ABHD14A: variants seen among roughly 807,000 people sequenced by gnomAD.
ABHD14A encodes abhydrolase domain containing 14A, also known as protein ABHD14A.
In ABHD14A, 19 loss-of-function variants were observed where a neutral mutation model predicts 27.0. That is an observed-to-expected ratio of 0.70 (90% confidence interval 0.49 to 1.03). The LOEUF (loss-of-function observed/expected upper bound fraction) is 1.03, where lower values mean the gene tolerates loss of function less well. ABHD14A is among the 50% of genes least tolerant of loss of function. The pLI is 0.00. For missense variants in ABHD14A, 311 were observed against 344.6 expected (o/e 0.90, Z 0.77); for synonymous variants, 148 against 158.8 (o/e 0.93, Z 0.51).
rs770851638 is a variant in ABHD14A, at chr3:51,980,462, C to T, written c.467C>T (p.Ala156Val). ...EAGRAALLER[A>V]LRDLEVQNAV... ...GGGCGGGCAGCGCTGCTGGAGCGGG[C>T]GCTGCGGGACCTGGAGGTACAGAAT... is the stretch of plus-strand genomic sequence containing the variant. The change falls in exon 4 of 5, where the codon GCG (alanine) becomes GTG (valine). Residue 156 changes from alanine (A) to valine (V), a missense_variant. Coordinates refer to ENST00000273596, the MANE Select transcript of ABHD14A (RefSeq NM_015407.5). The T allele has an allele frequency of 1.1e-4, 180 of 1,612,800 alleles. No homozygotes were observed. The highest frequency in any genetic ancestry group is 1.3e-4 in the Non-Finnish European group (158 of 1,180,034).
Position 51,975,164 on chromosome 3 carries a change from T to G in ABHD14A, c.29T>G (p.Phe10Cys), listed in dbSNP as rs555727065. Residue 10 changes from phenylalanine to cysteine, a missense_variant, in exon 1 of 5, where the codon TTC (phenylalanine) becomes TGC (cysteine). By Grantham distance (205) the Phe-to-Cys change is radical. Coordinates refer to ENST00000273596, the MANE Select transcript of ABHD14A (RefSeq NM_015407.5). MVGALCGCW[F>C]RLGGARPLIP... ...GTCGGGGCGCTGTGCGGCTGCTGGT[T>G]CCGCCTGGGCGGGGCCCGCCCGCTC... 2.8e-5 allele frequency: 36 copies of G among 1,284,936 alleles called. 1 individual carries two copies. The South Asian group carries it at 7.6e-4, about 27-fold the overall frequency. The allele number at this position is 1,284,936 out of a possible 1,614,324, so 79.6% of individuals were successfully genotyped here.
rs777357462 is a variant in ABHD14A, at chr3:51,981,070, G to A, written c.*52G>A. On this transcript the variant is annotated 3_prime_UTR_variant, in exon 5 of 5. Transcript: ENST00000273596. ...GGCATGAGCTTGGACAGTCTGGACC[G>A]CCACCCTCCCTGAACCAGGGAGACA... 32 of 1,569,398 alleles carry A rather than the reference G, an allele frequency of 2.0e-5. No homozygotes were observed. Among genetic ancestry groups the A allele is most frequent in the South Asian group, 4.6e-5 (4 of 86,930 alleles).
Position 51,977,916 on chromosome 3 carries a change from G to C in ABHD14A, c.115G>C (p.Gly39Arg), listed in dbSNP as rs147668384. Residue 39 changes from glycine (G) to arginine (R), a missense_variant, in exon 2 of 5, where the codon GGC becomes CGC. Physicochemically the swap from Gly to Arg is moderately radical, Grantham distance 125. Transcript: ENST00000273596. Reference sequence around the variant, plus strand: ...GAGCCGGTCCCAGGTAGCCCTGCTGGGCCTGAGTCTGCTGCTCATGCTCCT... The same window carrying C: ...GAGCCGGTCCCAGGTAGCCCTGCTGCGCCTGAGTCTGCTGCTCATGCTCCT... ...SMSRSQVALL[G>R]LSLLLMLLLY... 1.9e-6 allele frequency: 3 copies of C among 1,613,986 alleles called. No homozygotes were observed. In the African/African-American group the frequency reaches 4.0e-5, roughly 22 times the overall value.
chr3:51,979,302 A>G (rs1238587262), intron 3 of ABHD14A, among the ~76,000 whole-genome samples: 1 of 152,174 alleles, frequency 6.6e-6, no homozygotes, highest in Non-Finnish European at 1.5e-5. Flanking sequence ...AGGGATGGAC[A>G]GGCTTTATTC....
At chr3:51,979,473 CT>C (rs372340292) in intron 3 of ABHD14A, among the ~76,000 whole-genome samples, 2 of 146,310 alleles carry the variant, frequency 1.4e-5, no homozygotes, top group African/African-American at 5.1e-5. Context: ...TTGTTTGTTT[CT>C]TTTTTTGTTT....
intron 1 of ABHD14A, among the ~76,000 whole-genome samples, chr3:51,977,607 G>A (rs777154036): frequency 3.3e-5 from 5 of 152,254 alleles, no homozygotes; most frequent in Non-Finnish European, 5.9e-5. Flanking sequence ...TTCAGCTGAT[G>A]CCATGATGGT....
rs1240679261 is a variant in ABHD14A at position 51,978,321 on chromosome 3, C to G, written c.344C>G (p.Thr115Arg). The stretch of plus-strand genomic sequence containing the variant: ...TCTCACACGTGGGAGCAGCTGGGCA[C>G]ACTGCAGCTACTGTCACAGAGGGGC... ...FNSHTWEQLG[T>R]LQLLSQRGYR... Residue 115 changes from threonine to arginine, a missense_variant, in exon 3 of 5, where the codon ACA (threonine) becomes AGA (arginine). Transcript: ENST00000273596. 1.9e-6 allele frequency: 3 copies of G among 1,551,866 alleles called. No homozygotes were observed. Among genetic ancestry groups the G allele is most frequent in the South Asian group, 2.4e-5 (2 of 84,072 alleles).
chr3:51,980,239 C>A (rs200799556), intron 3 of ABHD14A, 154 bp from the exon 4 acceptor site: 6 of 752,064 alleles, frequency 8.0e-6, no homozygotes, highest in Non-Finnish European at 1.4e-5. Flanking sequence ...GCTTTTCTAA[C>A]AGGCATATTA....
chr3:51,975,169 C>G lies in ABHD14A; in HGVS notation c.34C>G (p.Leu12Val). 7.8e-7 allele frequency: 1 copy of G among 1,283,056 alleles called. No individual in the cohort carries two copies. 79.5% of individuals were successfully genotyped at this position (1,283,056 alleles called of 1,614,324 possible). A position where few individuals can be genotyped will look rare whatever the true frequency, so the allele number is the denominator to read the frequency against. ...GGCGCTGTGCGGCTGCTGGTTCCGC[C>G]TGGGCGGGGCCCGCCCGCTCATCCC... ...VGALCGCWFRLGGARPLIPLG... is the reference protein window; with the variant it reads ...VGALCGCWFRVGGARPLIPLG... The change falls in exon 1 of 5, where the codon CTG becomes GTG. Residue 12 changes from leucine to valine, a missense_variant. Physicochemically the swap from Leu to Val is conservative, Grantham distance 32. Coordinates refer to ENST00000273596, the MANE Select transcript of ABHD14A (RefSeq NM_015407.5).
At position 51,980,403 on chromosome 3, in the gene ABHD14A, C is replaced by A. The variant is rs1332654334; in HGVS notation, c.408C>A (p.Asn136Lys). The A allele has an allele frequency of 1.2e-6, 2 of 1,613,828 alleles. No homozygotes were observed. The highest frequency in any genetic ancestry group is 1.7e-5 in the Admixed American group (1 of 60,006). Residue 136 changes from asparagine to lysine, a missense_variant, in exon 4 of 5, where the codon AAC (asparagine) becomes AAA (lysine). Asn to Lys is a moderately conservative substitution (Grantham distance 94). Transcript: ENST00000273596. ...TGCTGCTGTTCCTAGGTTTTGGGAACTCGGCACCTTCAAAGGAGGCAAGCA... is the reference window on the plus strand; with the variant it reads ...TGCTGCTGTTCCTAGGTTTTGGGAAATCGGCACCTTCAAAGGAGGCAAGCA... ...AVALDLPGFG[N>K]SAPSKEASTE...
At chr3:51,980,796 A>T in intron 4 of ABHD14A, 40 bp from the exon 5 acceptor site, 1 of 1,595,676 alleles carries the variant, frequency 6.3e-7, no homozygotes, top group Non-Finnish European at 8.6e-7. Flanking sequence ...TCAGAAACTC[A>T]TCAGGCCCCA....
At chr3:51,979,462 T>G (rs1401544628) in intron 3 of ABHD14A, among the ~76,000 whole-genome samples, 20 of 151,766 alleles carry the variant, frequency 1.3e-4, no homozygotes, top group African/African-American at 4.6e-4. Context: ...TTGTTTTTTT[T>G]TTGTTTGTTT....
intron 3 of ABHD14A, chr3:51,979,075 T>G: frequency 5.2e-6 from 1 of 190,808 alleles, no homozygotes; most frequent in South Asian, 6.3e-5. Context: ...TCTAAGAAGT[T>G]TAGGGGATGC....
chr3:51,980,578 G>A lies in ABHD14A; in HGVS notation c.583G>A (p.Ala195Thr), dbSNP rs141581474. The change falls in exon 4 of 5, where the codon GCA becomes ACA. Residue 195 changes from alanine to threonine, a missense_variant. Ala to Thr is a moderately conservative substitution (Grantham distance 58). Coordinates refer to ENST00000273596, the MANE Select transcript of ABHD14A (RefSeq NM_015407.5). The stretch of plus-strand genomic sequence containing the variant: ...CCAGCTACATGGATTTGTGCCCATC[G>A]CACCCACCTCCACCCAGAACTACAC... ...HHQLHGFVPI[A>T]PTSTQNYTQE... 2.3e-5 allele frequency: 37 copies of A among 1,613,622 alleles called. No individual in the cohort carries two copies. The highest frequency in any genetic ancestry group is 2.7e-5 in the African/African-American group (2 of 74,808).
chr3:51,980,381 T>C lies in ABHD14A; in HGVS notation c.398-12T>C. 6.2e-7 allele frequency: 1 copy of C among 1,613,440 alleles called. No individual in the cohort carries two copies. The highest frequency in any genetic ancestry group is 8.5e-7 in the Non-Finnish European group (1 of 1,179,690). On this transcript the variant is annotated splice_polypyrimidine_tract_variant and intron_variant, in intron 3 of 4. Coordinates refer to ENST00000273596, the MANE Select transcript of ABHD14A (RefSeq NM_015407.5). ...CCAGTGCCCCTCAGCTGGTACCTGC[T>C]GCTGTTCCTAGGTTTTGGGAACTCG... is the stretch of plus-strand genomic sequence containing the variant.
At position 51,980,411 on chromosome 3, in the gene ABHD14A, C is replaced by T; in HGVS notation, c.416C>T (p.Pro139Leu). 1.2e-6 allele frequency: 2 copies of T among 1,613,980 alleles called. No individual in the cohort carries two copies. The highest frequency in any genetic ancestry group is 1.7e-6 in the Non-Finnish European group (2 of 1,180,012). The change falls in exon 4 of 5, where the codon CCT becomes CTT. Residue 139 changes from proline (P) to leucine (L), a missense_variant. Transcript: ENST00000273596. Reference protein sequence around the residue: ...LDLPGFGNSAPSKEASTEAGR... With the variant: ...LDLPGFGNSALSKEASTEAGR... ...TTCCTAGGTTTTGGGAACTCGGCAC[C>T]TTCAAAGGAGGCAAGCACAGAGGCA...
At position 51,980,928 on chromosome 3, in the gene ABHD14A, G is replaced by A; in HGVS notation, c.726G>A (p.Val242=). ...QLRHLPNHSV[V]KLRNAGHACY... Reference sequence around the variant, plus strand: ...GCCACCTGCCCAACCACTCTGTGGTGAAGCTACGCAATGCAGGCCATGCCT... The same window carrying A: ...GCCACCTGCCCAACCACTCTGTGGTAAAGCTACGCAATGCAGGCCATGCCT... Residue 242 remains valine (V), a synonymous_variant, in exon 5 of 5, where the codon GTG becomes GTA. Coordinates refer to ENST00000273596, the MANE Select transcript of ABHD14A (RefSeq NM_015407.5). 6.2e-7 allele frequency: 1 copy of A among 1,614,158 alleles called. No homozygotes were observed. The highest frequency in any genetic ancestry group is 8.5e-7 in the Non-Finnish European group (1 of 1,180,030).
intron 3 of ABHD14A, among the ~76,000 whole-genome samples, chr3:51,979,666 G>A (rs1479107047): frequency 6.6e-6 from 1 of 151,536 alleles, no homozygotes; most frequent in Non-Finnish European, 1.5e-5. Flanking sequence ...TGTATTTTTA[G>A]TAGAGACAGG....
At position 51,980,866 on chromosome 3, in the gene ABHD14A, G is replaced by A; in HGVS notation, c.664G>A (p.Asp222Asn). The change falls in exon 5 of 5, where the codon GAC becomes AAC. Residue 222 changes from aspartate to asparagine, a missense_variant. Coordinates refer to ENST00000273596, the MANE Select transcript of ABHD14A (RefSeq NM_015407.5). Reference protein sequence around the residue: ...TPTLILYGELDHILARESLRQ... With the variant: ...TPTLILYGELNHILARESLRQ... ...AACCCTTATCCTGTATGGAGAGCTG[G>A]ACCACATCCTGGCTCGAGAGTCACT... 3 of 1,614,048 alleles carry A rather than the reference G, an allele frequency of 1.9e-6. No individual in the cohort carries two copies. The highest frequency in any genetic ancestry group is 1.3e-5 in the African/African-American group (1 of 75,036).
Sources: gnomAD v4.1 joint callset for allele counts (sites outside exome capture counted in the v4.1 genomes callset) on GRCh38, gnomAD v4.1.1 for gene constraint, MANE v1.5 for transcripts, NCBI Gene and HGNC (gene_info 2026-07-23, HGNC 2026-07-21) for gene names.